SLC35F3: variants seen among roughly 807,000 people sequenced by gnomAD.
SLC35F3 encodes the protein solute carrier family 35 member F3.
A neutral mutation model predicts 49.9 loss-of-function variants in SLC35F3; 25 were observed. The ratio of observed to expected loss-of-function variants is 0.50; its 90% CI spans 0.37 to 0.70. SLC35F3 has a LOEUF of 0.70. Among genes scored for constraint, SLC35F3 ranks in the 30% least tolerant of loss-of-function variants. The pLI is 0.00. For synonymous variants in SLC35F3, 275 were observed against 265.4 expected (o/e 1.04, Z -0.35); for missense variants, 525 against 639.8 (o/e 0.82, Z 1.94).
intron 2 of SLC35F3, among the ~76,000 whole-genome samples, chr1:234,202,430 A>G (rs1666912648): frequency 6.6e-6 from 1 of 152,226 alleles, no homozygotes. Flanking sequence ...AGCCAAATAA[A>G]TTTACACCAA....
chr1:233,945,106 A>G (rs1355513627), intron 2 of SLC35F3, among the ~76,000 whole-genome samples: 2 of 151,988 alleles, frequency 1.3e-5, no homozygotes, highest in African/African-American at 4.8e-5. Flanking sequence ...AATCCATACA[A>G]GGAGAAGAGA....
At chr1:234,260,032 A>C (rs1475309290) in intron 3 of SLC35F3, among the ~76,000 whole-genome samples, 1 of 152,192 alleles carries the variant, frequency 6.6e-6, no homozygotes, top group Non-Finnish European at 1.5e-5. Context: ...ATAGGGTAGG[A>C]CAGGTGGGGA....
intron 2 of SLC35F3, among the ~76,000 whole-genome samples, chr1:234,064,970 C>T (rs374605149): frequency 1.3e-5 from 2 of 152,038 alleles, no homozygotes; most frequent in African/African-American, 2.4e-5. Flanking sequence ...AAGAAGACAG[C>T]GAAAAATAGT....
At chr1:234,254,005 T>C (rs575500945) in intron 3 of SLC35F3, among the ~76,000 whole-genome samples, 14 of 152,340 alleles carry the variant, frequency 9.2e-5, no homozygotes, top group African/African-American at 3.4e-4. Context: ...CTGCTTGTAC[T>C]TGGGACTCTG....
chr1:234,316,822 CTGA>C, intron 5 of SLC35F3, 95 bp downstream of exon 5: 1 of 1,435,146 alleles, frequency 7.0e-7, no homozygotes, highest in Non-Finnish European at 9.5e-7. Context: ...TCAACAGCTT[CTGA>C]TGATACCTGT....
intron 2 of SLC35F3, among the ~76,000 whole-genome samples, chr1:234,045,550 C>A (rs1664276336): frequency 6.6e-6 from 1 of 152,132 alleles, no homozygotes; most frequent in African/African-American, 2.4e-5. Context: ...CAAGAGCCAG[C>A]ATTCTCAACC....
chr1:234,053,709 A>G (rs955851205), intron 2 of SLC35F3, among the ~76,000 whole-genome samples: 5 of 152,132 alleles, frequency 3.3e-5, no homozygotes, highest in African/African-American at 1.2e-4. Context: ...TATTTTGCTC[A>G]TTCGTTGATG....
intron 2 of SLC35F3, among the ~76,000 whole-genome samples, chr1:234,062,766 GC>G (rs2102863462): frequency 6.7e-6 from 1 of 150,060 alleles, no homozygotes; most frequent in Non-Finnish European, 1.5e-5. Context: ...TGCAAGCTCT[GC>G]CCCCTGGGTT....
intron 2 of SLC35F3, among the ~76,000 whole-genome samples, chr1:234,007,545 A>T (rs938649575): frequency 1.3e-5 from 2 of 152,188 alleles, no homozygotes; most frequent in Admixed American, 1.3e-4. Flanking sequence ...TTTTATGCCG[A>T]ACGAAGTGGG....
chr1:234,077,662 C>A, intron 2 of SLC35F3, among the ~76,000 whole-genome samples: 1 of 152,152 alleles, frequency 6.6e-6, no homozygotes, highest in East Asian at 1.9e-4. Context: ...TTGGCTACCA[C>A]GGATCAGGCA....
At chr1:234,240,459 G>T (rs1558270501) in intron 3 of SLC35F3, among the ~76,000 whole-genome samples, 1 of 151,856 alleles carries the variant, frequency 6.6e-6, no homozygotes, top group East Asian at 1.9e-4. Context: ...ACAAAAATTA[G>T]CTGGACATGG....
intron 2 of SLC35F3, among the ~76,000 whole-genome samples, chr1:233,906,263 C>G (rs1412725772): frequency 6.6e-6 from 1 of 152,142 alleles, no homozygotes; most frequent in Non-Finnish European, 1.5e-5. Context: ...ACGCCCTTCT[C>G]CCCTGGATTT....
rs999141995 is a variant in SLC35F3 at position 234,231,164 on chromosome 1, G to A, written c.284-253G>A. Among the ~76,000 whole-genome samples the A allele has an allele frequency of 6.6e-6, 1 of 152,224 alleles. No individual in the cohort carries two copies. Among genetic ancestry groups the A allele is most frequent in the Non-Finnish European group, 1.5e-5 (1 of 68,038 alleles). ...TTTCCAACACGTTCCGGGGACGGAC[G>A]GGGAAGGGTGCTGACGCTGCCCGGC... On this transcript the variant is annotated intron_variant, in intron 2 of 7. Coordinates refer to ENST00000366618, the MANE Select transcript of SLC35F3 (RefSeq NM_173508.4). The surrounding 1 kb of genome is among the most constrained non-coding windows in gnomAD (Gnocchi z 5.4).
intron 2 of SLC35F3, among the ~76,000 whole-genome samples, chr1:234,029,511 A>G (rs73100485): frequency 0.03 from 4,566 of 152,270 alleles, 221 homozygotes; most frequent in African/African-American, 0.1. Flanking sequence ...CCCTAGAACC[A>G]TGATACTGGC....
chr1:234,064,129 T>C (rs537565232), intron 2 of SLC35F3, among the ~76,000 whole-genome samples: 1 of 152,328 alleles, frequency 6.6e-6, no homozygotes, highest in South Asian at 2.1e-4. Context: ...GACTGTTTCC[T>C]TTGTCTGTTT....
At chr1:234,251,140 C>T (rs556511509) in intron 3 of SLC35F3, among the ~76,000 whole-genome samples, 1 of 152,148 alleles carries the variant, frequency 6.6e-6, no homozygotes, top group South Asian at 2.1e-4. Context: ...ATGCTGGATG[C>T]CTCATTAAAC....
chr1:234,266,338 T>C (rs1396543396), intron 3 of SLC35F3, among the ~76,000 whole-genome samples: 1 of 152,222 alleles, frequency 6.6e-6, no homozygotes, highest in Non-Finnish European at 1.5e-5. Flanking sequence ...ATGCTCCACT[T>C]ATTTAGTAGT....
intron 2 of SLC35F3, among the ~76,000 whole-genome samples, chr1:233,965,020 T>C (rs577553861): frequency 1.3e-5 from 2 of 152,304 alleles, no homozygotes; most frequent in Admixed American, 6.5e-5. Context: ...GTCATTGCAA[T>C]TGGACTCAGA....
In SLC35F3 at chr1:234,316,784, C is replaced by T. The variant is rs573783667; in HGVS notation, c.954+57C>T. The T allele has an allele frequency of 1.3e-4, 201 of 1,568,388 alleles. No individual in the cohort carries two copies. The South Asian group carries it at 2.1e-3, about 16-fold the overall frequency. On this transcript the variant is annotated intron_variant, in intron 5 of 7. Coordinates refer to ENST00000366618, the MANE Select transcript of SLC35F3 (RefSeq NM_173508.4). ...CTGGGCTCTCCTCAGCCAGCACAGC[C>T]GGCTTTAGATCGCTTGTCCTTTACT...
Sources: gnomAD v4.1 joint callset for allele counts (sites outside exome capture counted in the v4.1 genomes callset) on GRCh38, gnomAD v4.1.1 for gene constraint, Gnocchi (gnomAD v3.1) non-coding constraint, MANE v1.5 for transcripts, NCBI Gene and HGNC (gene_info 2026-07-23, HGNC 2026-07-21) for gene names.